GRIN2A: variants seen among roughly 807,000 people sequenced by gnomAD.
The protein encoded by GRIN2A is glutamate receptor ionotropic, NMDA 2A.
GRIN2A carries 22 observed loss-of-function variants against 113.4 expected under a neutral mutation model. The ratio of observed to expected loss-of-function variants is 0.19; its 90% confidence interval spans 0.14 to 0.28. The LOEUF is 0.28. Ranked by LOEUF, GRIN2A falls within the 10% of genes least tolerant of loss-of-function variation. The pLI is 1.00. For synonymous variants in GRIN2A, 827 were observed against 738.4 expected, an observed-to-expected ratio of 1.12 and a Z score of -1.94; for missense variants, 1,502 against 1,887.0, an observed-to-expected ratio of 0.80 and a Z score of 3.78.
intron 3 of GRIN2A, among the ~76,000 whole-genome samples, chr16:9,928,572 C>T (rs1351043486): frequency 6.6e-6 from 1 of 152,116 alleles, no homozygotes; most frequent in Non-Finnish European, 1.5e-5. Flanking sequence ...ACCCCAAAAG[C>T]TCCATCGCCT....
At chr16:10,020,499 G>A (rs553048727) in intron 2 of GRIN2A, among the ~76,000 whole-genome samples, 4 of 152,148 alleles carry the variant, frequency 2.6e-5, no homozygotes, top group Non-Finnish European at 5.9e-5. Flanking sequence ...ATTTCAATAC[G>A]AGGTGGGAGT....
At chr16:10,053,666 A>G (rs2047396839) in intron 2 of GRIN2A, among the ~76,000 whole-genome samples, 1 of 152,336 alleles carries the variant, frequency 6.6e-6, no homozygotes, top group African/African-American at 2.4e-5. Flanking sequence ...CCTAGTCTAC[A>G]TCCTGCCACC....
intron 4 of GRIN2A, among the ~76,000 whole-genome samples, chr16:9,860,067 C>T (rs1489762011): frequency 6.6e-6 from 1 of 151,938 alleles, no homozygotes; most frequent in Non-Finnish European, 1.5e-5. Flanking sequence ...TGAAGTGAGA[C>T]AAATGCTATG....
intron 3 of GRIN2A, among the ~76,000 whole-genome samples, chr16:9,934,197 T>A (rs917111955): frequency 5.3e-5 from 8 of 152,232 alleles, no homozygotes; most frequent in African/African-American, 1.9e-4. Context: ...ATTCTGTTGT[T>A]TTCTGTACTA....
chr16:9,794,357 G>C (rs993561077), intron 11 of GRIN2A, among the ~76,000 whole-genome samples: 2 of 152,218 alleles, frequency 1.3e-5, no homozygotes, highest in African/African-American at 4.8e-5. Context: ...TGAAGCTACT[G>C]TGTAACAAGA....
chr16:9,817,614 C>G (rs1567320575), intron 10 of GRIN2A, among the ~76,000 whole-genome samples: 1 of 152,212 alleles, frequency 6.6e-6, no homozygotes, highest in Non-Finnish European at 1.5e-5. Context: ...GATGGGGAAA[C>G]TAGAAAGTGA....
intron 2 of GRIN2A, among the ~76,000 whole-genome samples, chr16:10,100,693 T>C (rs1033184228): frequency 1.3e-5 from 2 of 152,206 alleles, no homozygotes; most frequent in Non-Finnish European, 2.9e-5. Flanking sequence ...TGCAGCTTTA[T>C]GTTATTTGAA....
At chr16:10,041,833 T>G (rs1464181178) in intron 2 of GRIN2A, among the ~76,000 whole-genome samples, 2 of 152,208 alleles carry the variant, frequency 1.3e-5, no homozygotes, top group Non-Finnish European at 2.9e-5. Flanking sequence ...AGTGAAGTCT[T>G]TCCATGAATA....
intron 2 of GRIN2A, among the ~76,000 whole-genome samples, chr16:10,116,925 C>A (rs2048738875): frequency 6.6e-6 from 1 of 152,126 alleles, no homozygotes; most frequent in Non-Finnish European, 1.5e-5. Context: ...AGAGAGATGC[C>A]TGTGCTTGAG....
intron 2 of GRIN2A, among the ~76,000 whole-genome samples, chr16:10,046,883 G>A (rs2097271883): frequency 6.6e-6 from 1 of 152,142 alleles, no homozygotes; most frequent in African/African-American, 2.4e-5. Context: ...CGTTTATTAA[G>A]CCTAACTATA....
At chr16:10,028,393 AG>A (rs757403889) in intron 2 of GRIN2A, among the ~76,000 whole-genome samples, 1 of 152,204 alleles carries the variant, frequency 6.6e-6, no homozygotes, top group Non-Finnish European at 1.5e-5. Flanking sequence ...TGTCGCTGGG[AG>A]GCAGCTGCCC....
rs1260939784 is a variant in GRIN2A, at chr16:10,112,667, C to G, written c.414+67331G>C. On this transcript the variant is annotated intron_variant, in intron 2 of 12. Coordinates refer to ENST00000330684, the MANE Select transcript of GRIN2A (RefSeq NM_001134407.3). ...AGAGCAGCAGCAGCCAGAAACGATA[C>G]TTCAGCGAGGGGGAAAAGGTGAATA... The G allele has an allele frequency of 2.9e-5, 22 of 760,798 alleles. No homozygotes were observed. In the Admixed American group the frequency reaches 3.6e-4, roughly 12 times the overall value. The allele number at this position is 760,798 out of a possible 1,614,324, so 47.1% of individuals were successfully genotyped here.
chr16:9,764,547 G>C lies in GRIN2A; in HGVS notation c.2997C>G (p.Ala999=), dbSNP rs144706004. 6.2e-6 allele frequency: 10 copies of C among 1,613,766 alleles called. No homozygotes were observed. Among genetic ancestry groups the C allele is most frequent in the African/African-American group, 2.7e-5 (2 of 74,872 alleles). ...AGTTCGCTTTGGATTCTGTGCTCACGGCCACCTCCACCGTGTTAGGGTTGG... is the reference window on the plus strand; with the variant it reads ...AGTTCGCTTTGGATTCTGTGCTCACCGCCACCTCCACCGTGTTAGGGTTGG... ...NESNPNTVEV[A]VSTESKANSR... The change falls in exon 13 of 13, where the codon GCC becomes GCG. Residue 999 remains alanine (A), a synonymous_variant. Transcript: ENST00000330684.
rs555108276 is a variant in GRIN2A, at chr16:9,904,862, G to A, written c.1008-13762C>T. 7.9e-5 allele frequency among the ~76,000 whole-genome samples: 12 copies of A among 152,358 alleles called. No homozygotes were observed. In the South Asian group the frequency reaches 8.3e-4, roughly 11 times the overall value. ...GAAGTTTCATGGTGGCATCATGAGA[G>A]TTAGAAGGGGTCCTATGATAAGCAC... On this transcript the variant is annotated intron_variant, in intron 3 of 12. Coordinates refer to ENST00000330684, the MANE Select transcript of GRIN2A (RefSeq NM_001134407.3).
At chr16:9,824,359 T>G (rs1253824072) in intron 9 of GRIN2A, among the ~76,000 whole-genome samples, 1 of 152,218 alleles carries the variant, frequency 6.6e-6, no homozygotes, top group Non-Finnish European at 1.5e-5. Flanking sequence ...AGCCGCCTGC[T>G]CGGGAGGAGA....
intron 4 of GRIN2A, among the ~76,000 whole-genome samples, chr16:9,873,473 G>A (rs563552029): frequency 3.3e-5 from 5 of 152,262 alleles, no homozygotes; most frequent in African/African-American, 1.2e-4. Context: ...GGCTGAGGCA[G>A]GAGAATCCCT....
intron 2 of GRIN2A, among the ~76,000 whole-genome samples, chr16:10,083,560 T>G (rs1195987911): frequency 2.0e-5 from 3 of 152,200 alleles, no homozygotes; most frequent in Non-Finnish European, 4.4e-5. Flanking sequence ...CCTCTTCCCC[T>G]GCTACTCCTG....
chr16:9,800,324 G>T (rs186371080), intron 10 of GRIN2A, among the ~76,000 whole-genome samples: 1 of 152,228 alleles, frequency 6.6e-6, no homozygotes, highest in Non-Finnish European at 1.5e-5. Context: ...ATTTAACGAG[G>T]CTGAAATGAT....
At chr16:10,153,378 TG>T (rs1431481226) in intron 2 of GRIN2A, among the ~76,000 whole-genome samples, 1 of 152,142 alleles carries the variant, frequency 6.6e-6, no homozygotes, top group African/African-American at 2.4e-5. Flanking sequence ...ATCTAGGTGC[TG>T]GGGGGACTCT....
Sources: gnomAD v4.1 joint callset for allele counts (sites outside exome capture counted in the v4.1 genomes callset) on GRCh38, gnomAD v4.1.1 for gene constraint, MANE v1.5 for transcripts, NCBI Gene and HGNC (gene_info 2026-07-23, HGNC 2026-07-21) for gene names.